DNAH9: variants seen among roughly 807,000 people sequenced by gnomAD.
DNAH9 encodes dynein axonemal heavy chain 9.
Under a neutral mutation model 471.6 loss-of-function variants are expected in DNAH9, and 345 were observed. That is an observed-to-expected ratio of 0.73 (90% CI 0.67 to 0.80). The LOEUF is 0.80. Ranked by LOEUF, DNAH9 falls within the 30% of genes least tolerant of loss-of-function variation. The pLI is 0.00. For missense variants in DNAH9, 5,407 were observed against 5,609.2 expected, an observed-to-expected ratio of 0.96 and a Z score of 1.15; for synonymous variants, 2,093 against 2,123.6, an observed-to-expected ratio of 0.99 and a Z score of 0.40.
intron 14 of DNAH9, among the ~76,000 whole-genome samples, chr17:11,655,007 T>C (rs982568676): frequency 1.3e-5 from 2 of 152,132 alleles, no homozygotes; most frequent in Non-Finnish European, 2.9e-5. Context: ...TAAATATTTT[T>C]AGACAAAAAC....
At chr17:11,816,664 C>CA (rs1970110564) in intron 45 of DNAH9, among the ~76,000 whole-genome samples, 1 of 152,158 alleles carries the variant, frequency 6.6e-6, no homozygotes, top group Non-Finnish European at 1.5e-5. Context: ...CACCAAAGTC[C>CA]AACTAACTAA....
chr17:11,624,666 G>A (rs1331360367), intron 6 of DNAH9, among the ~76,000 whole-genome samples: 1 of 152,162 alleles, frequency 6.6e-6, no homozygotes, highest in Non-Finnish European at 1.5e-5. Context: ...TCCAAGTACT[G>A]TCTTTGCACC....
At chr17:11,880,515 G>C (rs1029064862) in intron 54 of DNAH9, among the ~76,000 whole-genome samples, 1 of 152,106 alleles carries the variant, frequency 6.6e-6, no homozygotes, top group Non-Finnish European at 1.5e-5. Flanking sequence ...TTTTAAGTAC[G>C]AGCATCTTAT....
chr17:11,824,479 C>G (rs1597699984), intron 48 of DNAH9, among the ~76,000 whole-genome samples: 1 of 152,272 alleles, frequency 6.6e-6, no homozygotes, highest in Non-Finnish European at 1.5e-5. Context: ...CAGATCTGGT[C>G]TCTCCTCTGG....
intron 61 of DNAH9, among the ~76,000 whole-genome samples, chr17:11,921,946 C>A (rs2151027821): frequency 6.6e-6 from 1 of 152,250 alleles, no homozygotes; most frequent in Middle Eastern, 3.4e-3. Context: ...TAAACAGGCC[C>A]TTTTGTGAGC....
chr17:11,671,224 T>C (rs2073966456), intron 17 of DNAH9, among the ~76,000 whole-genome samples: 2 of 152,216 alleles, frequency 1.3e-5, no homozygotes, highest in African/African-American at 4.8e-5. Flanking sequence ...AAATGCATGT[T>C]TTATTATTCA....
At chr17:11,733,771 T>C (rs564228277) in intron 28 of DNAH9, among the ~76,000 whole-genome samples, 1 of 143,458 alleles carries the variant, frequency 7.0e-6, no homozygotes, top group South Asian at 2.2e-4. Context: ...GGCAGGGGAA[T>C]GGCGGTGTGA....
intron 4 of DNAH9, among the ~76,000 whole-genome samples, chr17:11,614,669 T>G (rs2072706147): frequency 6.6e-6 from 1 of 152,234 alleles, no homozygotes; most frequent in African/African-American, 2.4e-5. Context: ...ATCAAGGCAC[T>G]GGCAGGTTGG....
chr17:11,932,215 A>G lies in DNAH9; in HGVS notation c.12297+10A>G, dbSNP rs1439461630. ...GGAGGCCAACGCAAAGGTAAAGGCC[A>G]TGGACATTCAGGGACCAGCCAGGTT... On this transcript the variant is annotated intron_variant, in intron 64 of 68. Transcript: ENST00000262442. This position sits in a 1 kb window ranked among gnomAD's most constrained non-coding sequence, Gnocchi z 4.3. The G allele has an allele frequency of 6.2e-7, 1 of 1,610,674 alleles. No individual in the cohort carries two copies. Among genetic ancestry groups the G allele is most frequent in the East Asian group, 2.2e-5 (1 of 44,834 alleles).
At chr17:11,758,295 C>G (rs1387640598) in intron 35 of DNAH9, among the ~76,000 whole-genome samples, 1 of 152,232 alleles carries the variant, frequency 6.6e-6, no homozygotes, top group African/African-American at 2.4e-5. Flanking sequence ...CAAGAGGATA[C>G]TTACTACAGC....
intron 26 of DNAH9, chr17:11,705,580 G>A: frequency 5.7e-6 from 1 of 174,652 alleles, no homozygotes; most frequent in South Asian, 1.5e-4. Context: ...ACGTTGGGAG[G>A]GAGAGTAGGA....
intron 57 of DNAH9, 98 bp downstream of exon 57, chr17:11,887,063 C>A (rs1385495802): frequency 6.9e-7 from 1 of 1,439,486 alleles, no homozygotes; most frequent in Non-Finnish European, 9.3e-7. Context: ...AGATCATTAG[C>A]TATGGCAAGT....
Position 11,937,241 on chromosome 17 carries a change from C to G in DNAH9, c.12490-111C>G. On this transcript the variant is annotated intron_variant, in intron 65 of 68. Coordinates refer to ENST00000262442, the MANE Select transcript of DNAH9 (RefSeq NM_001372.4). The surrounding 1 kb of genome is among the most constrained non-coding windows in gnomAD (Gnocchi z 4.1). ...GTCAACCAGGGATGGTGAGCAGTGT[C>G]CCCTGGAGGAGGGATACTAGCCCAT... The G allele has an allele frequency of 3.8e-6, 5 of 1,310,168 alleles. No individual in the cohort carries two copies. The highest frequency in any genetic ancestry group is 2.3e-5 in the Admixed American group (1 of 43,674). The allele number at this position is 1,310,168 out of a possible 1,614,324, so 81.2% of individuals were successfully genotyped here. A position where few individuals can be genotyped will look rare whatever the true frequency, so the allele number is the denominator to read the frequency against.
chr17:11,712,514 C>G (rs116598510), intron 26 of DNAH9, among the ~76,000 whole-genome samples: 7 of 152,024 alleles, frequency 4.6e-5, no homozygotes, highest in African/African-American at 1.7e-4. Context: ...TCTAAAGTGG[C>G]TGCACCATTT....
At chr17:11,666,491 G>A (rs1483301742) in intron 15 of DNAH9, among the ~76,000 whole-genome samples, 2 of 152,186 alleles carry the variant, frequency 1.3e-5, no homozygotes, top group Non-Finnish European at 2.9e-5. Flanking sequence ...TAGGAGGACA[G>A]GGGAACACAT....
Position 11,652,770 on chromosome 17 carries a change from A to G in DNAH9, c.2363A>G (p.Asp788Gly). 7 of 1,613,328 alleles carry G rather than the reference A, an allele frequency of 4.3e-6. No individual in the cohort carries two copies. The highest frequency in any genetic ancestry group is 5.9e-6 in the Non-Finnish European group (7 of 1,179,672). ...TTCTTTTGGGGAACAGGCATTTGCGATTATGTCACTGAAATCACCAGTAGT... is the reference window on the plus strand; with the variant it reads ...TTCTTTTGGGGAACAGGCATTTGCGGTTATGTCACTGAAATCACCAGTAGT... ...TLNWKTEGICDYVTEITSSIH... is the reference protein window; with the variant it reads ...TLNWKTEGICGYVTEITSSIH... Residue 788 changes from aspartate (D) to glycine (G), a missense_variant, in exon 14 of 69, where the codon GAT becomes GGT. Around this residue, in one of 3 missense-constraint regions of DNAH9, gnomAD observed 4,636 missense variants for 4,900.3 expected, o/e 0.95. Transcript: ENST00000262442.
chr17:11,945,785 G>A (rs889761419), intron 67 of DNAH9, among the ~76,000 whole-genome samples: 11 of 151,758 alleles, frequency 7.2e-5, no homozygotes, highest in Middle Eastern at 3.4e-3. Context: ...GTGGCCGGGC[G>A]CAGTGGCTCA....
chr17:11,702,566 G>C (rs1014730779), intron 24 of DNAH9, among the ~76,000 whole-genome samples: 1 of 152,208 alleles, frequency 6.6e-6, no homozygotes, highest in Non-Finnish European at 1.5e-5. Context: ...CAGTAAAGCA[G>C]AATAAGAAAT....
chr17:11,851,506 G>A (rs1971420390), intron 49 of DNAH9, among the ~76,000 whole-genome samples: 1 of 152,154 alleles, frequency 6.6e-6, no homozygotes, highest in Non-Finnish European at 1.5e-5. Context: ...GTGGCAATGA[G>A]CTTGGCAAGT....
Sources: allele counts gnomAD v4.1 joint callset (sites outside exome capture counted in the v4.1 genomes callset), GRCh38; gene constraint gnomAD v4.1.1; regional missense constraint gnomAD v4.1.1; non-coding constraint Gnocchi (gnomAD v3.1); transcripts MANE v1.5; gene names NCBI Gene and HGNC (gene_info 2026-07-23, HGNC 2026-07-21).